Variants in REPS1 observed in about 807,000 individuals in gnomAD.
The protein encoded by REPS1 is RALBP1 associated Eps domain containing 1.
Under a neutral mutation model 100.9 loss-of-function variants are expected in REPS1, and 39 were observed. The observed-to-expected ratio is 0.39, with a 90% CI of 0.30 to 0.50. The LOEUF (loss-of-function observed/expected upper bound fraction) is 0.50, where lower values mean the gene tolerates loss of function less well. REPS1 is among the 20% of genes least tolerant of loss of function. The probability of loss-of-function intolerance (pLI) is 0.86; values close to 1 mark genes in which losing one functional copy is unlikely to be tolerated. For missense variants in REPS1, 821 were observed against 968.5 expected (o/e 0.85, Z 2.02); for synonymous variants, 324 against 340.3 (o/e 0.95, Z 0.53).
In REPS1 at chr6:138,920,301, G is replaced by C. The variant is rs576758876; in HGVS notation, c.1442C>G (p.Thr481Ser). The C allele has an allele frequency of 6.3e-7, 1 of 1,576,466 alleles. No homozygotes were observed. The highest frequency in any genetic ancestry group is 1.3e-5 in the African/African-American group (1 of 74,196). The change falls in exon 12 of 20, where the codon ACT (threonine) becomes AGT (serine). Residue 481 changes from threonine to serine, a missense_variant. Thr to Ser is a moderately conservative substitution (Grantham distance 58). Around this residue, in one of 3 missense-constraint regions of REPS1, gnomAD observed 757 missense variants for 866.4 expected, o/e 0.87. Coordinates refer to ENST00000450536, the MANE Select transcript of REPS1 (RefSeq NM_001286611.2). ...AGATGGTTTCACAAGTAATGGGCTA[G>C]TGGGATTTGTATGATCTAATAGAGA... ...KRTGSDHTNPTSPLLVKPSDL... is the reference protein window; with the variant it reads ...KRTGSDHTNPSSPLLVKPSDL...
In REPS1 at chr6:138,923,430, T is replaced by C. The variant is rs7759682; in HGVS notation, c.1339-2306A>G. Among the ~76,000 whole-genome samples the C allele has an allele frequency of 6.2e-3, 942 of 152,314 alleles. 15 individuals carry two copies. The highest frequency in any genetic ancestry group is 0.021 in the African/African-American group (890 of 41,558). ...GCTTTAATTCATAACATTCATCTAA[T>C]CTATATTCGACGTATGTGTATGTGT... On this transcript the variant is annotated intron_variant, in intron 10 of 19. Coordinates refer to ENST00000450536, the MANE Select transcript of REPS1 (RefSeq NM_001286611.2).
At chr6:138,947,446 A>C (rs189852006) in intron 2 of REPS1, among the ~76,000 whole-genome samples, 59 of 152,352 alleles carry the variant, frequency 3.9e-4, no homozygotes, top group Admixed American at 3.2e-3. Flanking sequence ...GGGACGCTAT[A>C]CATGAAGATG....
chr6:138,904,577 A>G lies in REPS1; in HGVS notation c.*487T>C, dbSNP rs1286025955. The G allele has an allele frequency of 2.0e-5, 3 of 152,400 alleles. No homozygotes were observed. The highest frequency in any genetic ancestry group is 7.2e-5 in the African/African-American group (3 of 41,470). 9.4% of individuals were successfully genotyped at this position (152,400 alleles called of 1,614,324 possible). A position where few individuals can be genotyped will look rare whatever the true frequency, so the allele number is the denominator to read the frequency against. On this transcript the variant is annotated 3_prime_UTR_variant, in exon 20 of 20. Transcript: ENST00000450536. ...GTGAAGAATGTAGACGGCTGCAGAGAGTAAATTAGCTTATGGTGAAAACCA... is the reference window on the plus strand; with the variant it reads ...GTGAAGAATGTAGACGGCTGCAGAGGGTAAATTAGCTTATGGTGAAAACCA...
At chr6:138,913,059 T>C (rs1420430362) in intron 15 of REPS1, 109 bp from the exon 16 acceptor site, 17 of 815,364 alleles carry the variant, frequency 2.1e-5, no homozygotes, top group Non-Finnish European at 3.2e-5. Flanking sequence ...ACCTGTTTTA[T>C]TATCTGTAAG....
chr6:138,933,925 AACG>A (rs1781634942), intron 8 of REPS1, among the ~76,000 whole-genome samples: 3 of 152,308 alleles, frequency 2.0e-5, no homozygotes, highest in East Asian at 1.9e-4. Context: ...CATTGAAATA[AACG>A]ACGACGACAA....
At position 138,977,164 on chromosome 6, in the gene REPS1, CAATCT is replaced by C. The variant is rs1479861638; in HGVS notation, c.153+10361_153+10365del. Among the ~76,000 whole-genome samples the C allele has an allele frequency of 1.8e-4, 27 of 152,300 alleles. No homozygotes were observed. The South Asian group carries it at 5.0e-3, about 28-fold the overall frequency. On this transcript the variant is annotated intron_variant, in intron 1 of 19. Transcript: ENST00000450536. ...TACAGTGTATAGAGCACTATCACTA[CAATCT>C]AATTTTAGAATTTTTCTATCACCCA... is the stretch of plus-strand genomic sequence containing the variant.
intron 1 of REPS1, among the ~76,000 whole-genome samples, chr6:138,979,112 C>T (rs1446863185): frequency 1.5e-5 from 2 of 131,518 alleles, no homozygotes; most frequent in Admixed American, 9.0e-5. Context: ...ACCCGGGAGG[C>T]GGAGGTTGCA....
chr6:138,919,962 G>A (rs1391561089), intron 12 of REPS1, among the ~76,000 whole-genome samples: 1 of 152,168 alleles, frequency 6.6e-6, no homozygotes, highest in Non-Finnish European at 1.5e-5. Context: ...TGATAGAAAA[G>A]GAAGGAACCA....
At chr6:138,908,432 C>T (rs1465533186) in intron 18 of REPS1, among the ~76,000 whole-genome samples, 1 of 152,076 alleles carries the variant, frequency 6.6e-6, no homozygotes, top group East Asian at 1.9e-4. Context: ...GTAGCTGGGA[C>T]TACAGGTGTG....
At chr6:138,926,056 C>A (rs1252846387) in intron 10 of REPS1, among the ~76,000 whole-genome samples, 1 of 152,026 alleles carries the variant, frequency 6.6e-6, no homozygotes, top group Non-Finnish European at 1.5e-5. Context: ...TGTAAGCATA[C>A]AGATAATACA....
At chr6:138,940,182 C>A (rs1161504400) in intron 8 of REPS1, among the ~76,000 whole-genome samples, 2 of 152,176 alleles carry the variant, frequency 1.3e-5, no homozygotes, top group Non-Finnish European at 2.9e-5. Flanking sequence ...ATTTAGACAA[C>A]TAAGTCAGAC....
intron 1 of REPS1, among the ~76,000 whole-genome samples, chr6:138,957,641 G>C (rs898106360): frequency 6.6e-6 from 1 of 152,128 alleles, no homozygotes; most frequent in East Asian, 1.9e-4. Context: ...GGCCTACAGA[G>C]CAACCACTCC....
At chr6:138,907,640 T>C in intron 18 of REPS1, 40 bp from the exon 19 acceptor site, 2 of 1,230,692 alleles carry the variant, frequency 1.6e-6, no homozygotes, top group Non-Finnish European at 1.2e-6. Context: ...ATAACCTTCA[T>C]TTCTTATCTT....
At chr6:138,928,897 C>T (rs2128456021) in intron 9 of REPS1, 1 of 152,172 alleles carries the variant, frequency 6.6e-6, no homozygotes, top group East Asian at 1.9e-4. Flanking sequence ...GTTTTGCATC[C>T]AATAGTAGGA....
chr6:138,934,924 T>C (rs1230245849), intron 8 of REPS1, among the ~76,000 whole-genome samples: 1 of 152,088 alleles, frequency 6.6e-6, no homozygotes, highest in Non-Finnish European at 1.5e-5. Flanking sequence ...GACTTTTACG[T>C]CTTCAAGGAA....
intron 18 of REPS1, among the ~76,000 whole-genome samples, 154 bp from the exon 19 acceptor site, chr6:138,907,754 G>C (rs1779756398): frequency 6.6e-6 from 1 of 150,578 alleles, no homozygotes; most frequent in South Asian, 2.1e-4. Flanking sequence ...AGTTGCAGTA[G>C]TATATAAGCT....
rs534775656 is a variant in REPS1 at position 138,934,407 on chromosome 6, A to T, written c.1136-4309T>A. The T allele has an allele frequency of 2.6e-4, 118 of 460,316 alleles. 1 individual carries two copies. Among genetic ancestry groups the T allele is most frequent in the South Asian group, 1.8e-3 (117 of 63,618 alleles). The allele number at this position is 460,316 out of a possible 1,614,324, so 28.5% of individuals were successfully genotyped here. A position where few individuals can be genotyped will look rare whatever the true frequency, so the allele number is the denominator to read the frequency against. ...TGTTACGCAAAAAGTATTTCCACGT[A>T]CAAAAGTGTGTCTGAAAGAGACAAC... On this transcript the variant is annotated intron_variant, in intron 8 of 19. Transcript: ENST00000450536.
intron 8 of REPS1, among the ~76,000 whole-genome samples, chr6:138,938,019 A>G (rs2128467192): frequency 6.9e-6 from 1 of 145,860 alleles, no homozygotes; most frequent in Non-Finnish European, 1.5e-5. Flanking sequence ...TTTTTTTTTA[A>G]AGAAGACAAA....
At chr6:138,961,647 G>A (rs1783747454) in intron 1 of REPS1, among the ~76,000 whole-genome samples, 1 of 152,212 alleles carries the variant, frequency 6.6e-6, no homozygotes, top group African/African-American at 2.4e-5. Flanking sequence ...AACAATGCAA[G>A]TGTCAGCGCA....
Sources: allele counts gnomAD v4.1 joint callset (sites outside exome capture counted in the v4.1 genomes callset), GRCh38; gene constraint gnomAD v4.1.1; regional missense constraint gnomAD v4.1.1; transcripts MANE v1.5; gene names NCBI Gene and HGNC (gene_info 2026-07-23, HGNC 2026-07-21).